The following GATB variants were observed in gnomAD, a reference collection of about 807,000 sequenced individuals.
GATB encodes the protein glutamyl-tRNA(Gln) amidotransferase subunit B, mitochondrial.
Under a neutral mutation model 62.3 loss-of-function variants are expected in GATB, and 39 were observed. The observed-to-expected ratio is 0.63, with a 90% confidence interval of 0.48 to 0.82. The LOEUF (loss-of-function observed/expected upper bound fraction) is 0.82. GATB is among the 40% of genes least tolerant of loss of function. The pLI is 0.00. For synonymous variants in GATB, 276 were observed against 258.9 expected, an observed-to-expected ratio of 1.07 and a Z score of -0.63; for missense variants, 670 against 684.0, an observed-to-expected ratio of 0.98 and a Z score of 0.23.
chr4:151,697,937 A>ATGTGTG lies in GATB; in HGVS notation c.1197+3386_1197+3391dup, dbSNP rs149235830. ...ACAAACAAAAATCGATTTCATATAT[A>ATGTGTG]TGTGTGTGTGTGTGTGTATATATAT... On this transcript the variant is annotated intron_variant, in intron 9 of 12. Transcript: ENST00000263985. Among the ~76,000 whole-genome samples, 15 of 55,768 alleles carry ATGTGTG rather than the reference A, an allele frequency of 2.7e-4. 1 individual carries two copies. The highest frequency in any genetic ancestry group is 1.0e-3 in the African/African-American group (14 of 13,502). The allele number at this position is 55,768 out of a possible 152,430, so 36.6% of individuals were successfully genotyped here.
intron 5 of GATB, among the ~76,000 whole-genome samples, chr4:151,711,143 T>G (rs1347695030): frequency 6.6e-6 from 1 of 152,194 alleles, no homozygotes; most frequent in Non-Finnish European, 1.5e-5. Flanking sequence ...TCCTTCATCT[T>G]CACTGCCACC....
At position 151,716,896 on chromosome 4, in the gene GATB, A is replaced by C; in HGVS notation, c.620T>G (p.Leu207Arg). 1 of 1,614,206 alleles carries C rather than the reference A, an allele frequency of 6.2e-7. No individual in the cohort carries two copies. ...SLHDNLRSQT[L>R]IDLNRAGVGL... is the part of the protein sequence containing the mutation. ...CCTACCTGCCCTGTTCAAATCAATG[A>C]GCGTCTGAGACCTCAGGTTGTCGTG... The change falls in exon 4 of 13, where the codon CTC (leucine) becomes CGC (arginine). Residue 207 changes from leucine (L) to arginine (R), a missense_variant. By Grantham distance (102) the Leu-to-Arg change is moderately radical (BLOSUM62 -2). Coordinates refer to ENST00000263985, the MANE Select transcript of GATB (RefSeq NM_004564.3).
intron 9 of GATB, among the ~76,000 whole-genome samples, chr4:151,694,664 G>T (rs1453329529): frequency 6.6e-6 from 1 of 152,216 alleles, no homozygotes; most frequent in Admixed American, 6.5e-5. Flanking sequence ...ACAGTAGTTA[G>T]AAGGTGAGTA....
At chr4:151,723,744 T>C (rs1362644475) in intron 2 of GATB, 1 of 152,152 alleles carries the variant, frequency 6.6e-6, no homozygotes, top group African/African-American at 2.4e-5. Flanking sequence ...CAGAAACCCT[T>C]AGACACAGGC....
At chr4:151,709,504 C>A (rs571295584) in intron 5 of GATB, among the ~76,000 whole-genome samples, 1 of 152,270 alleles carries the variant, frequency 6.6e-6, no homozygotes, top group Non-Finnish European at 1.5e-5. Flanking sequence ...CACCGTGAGA[C>A]TCTCGGTCTA....
chr4:151,673,537 G>GC (rs1684675849), intron 11 of GATB: 2 of 152,208 alleles, frequency 1.3e-5, no homozygotes, highest in South Asian at 4.1e-4. Flanking sequence ...ATCCACAGGG[G>GC]CCCCCTGGCC....
intron 2 of GATB, among the ~76,000 whole-genome samples, chr4:151,757,372 A>G (rs1018079603): frequency 1.3e-5 from 2 of 152,166 alleles, no homozygotes; most frequent in African/African-American, 4.8e-5. Flanking sequence ...AGGCAGGCAT[A>G]CTGGAGGCAC....
chr4:151,694,855 AT>A (rs1373662321), intron 9 of GATB, among the ~76,000 whole-genome samples: 1 of 152,244 alleles, frequency 6.6e-6, no homozygotes, highest in Non-Finnish European at 1.5e-5. Context: ...TTAAAGGAAA[AT>A]TCTTGAAAAA....
In GATB at chr4:151,687,392, CCT is replaced by C. The variant is rs1327740472; in HGVS notation, c.1331+1236_1331+1237del. Among the ~76,000 whole-genome samples, 6 of 152,294 alleles carry C rather than the reference CCT, an allele frequency of 3.9e-5. No homozygotes were observed. In the East Asian group the frequency reaches 1.2e-3, roughly 29 times the overall value. On this transcript the variant is annotated intron_variant, in intron 10 of 12. Coordinates refer to ENST00000263985, the MANE Select transcript of GATB (RefSeq NM_004564.3). ...CTCCTCCTACATTGAAAAAGTCTGC[CCT>C]CTGTTTCACCTCTGCCCAAGCAAGA...
At chr4:151,716,791 A>T in intron 4 of GATB, 85 bp downstream of exon 4, 1 of 1,285,140 alleles carries the variant, frequency 7.8e-7, no homozygotes, top group East Asian at 2.3e-5. Flanking sequence ...CAATTTGTTC[A>T]AGAAAACTCT....
chr4:151,671,204 CT>C lies in GATB; in HGVS notation c.1643del (p.Lys548ArgfsTer42), dbSNP rs763112705. ...ATGACAGCTTCTTCTCCAGGATCTC[CT>C]TTATCATGACTGGATCTGCTCGGCT... is the stretch of plus-strand genomic sequence containing the variant. ...TQSRADPVMIKEILEKKLSL is the reference protein window; with the variant it reads ...TQSRADPVMIXEILEKKLSL On this transcript the variant is annotated frameshift_variant, in exon 13 of 13. Transcript: ENST00000263985. LOFTEE classifies it high-confidence loss of function. 6.2e-7 allele frequency: 1 copy of C among 1,614,176 alleles called. No individual in the cohort carries two copies. Among genetic ancestry groups the C allele is most frequent in the South Asian group, 1.1e-5 (1 of 91,072 alleles).
intron 9 of GATB, among the ~76,000 whole-genome samples, chr4:151,693,652 G>A (rs947101299): frequency 6.6e-6 from 1 of 152,138 alleles, no homozygotes; most frequent in Non-Finnish European, 1.5e-5. Context: ...AGGGGTCCAG[G>A]GTCCTGTTTT....
chr4:151,708,751 C>A (rs917086177), intron 5 of GATB, among the ~76,000 whole-genome samples: 3 of 152,206 alleles, frequency 2.0e-5, no homozygotes, highest in Non-Finnish European at 4.4e-5. Context: ...AGCACTGTTA[C>A]GAAGTCAGGA....
intron 9 of GATB, among the ~76,000 whole-genome samples, chr4:151,694,393 G>A (rs977128563): frequency 3.9e-5 from 6 of 152,244 alleles, no homozygotes; most frequent in African/African-American, 1.2e-4. Context: ...CTTCCCCTCT[G>A]AAAGCTCCTC....
At chr4:151,672,726 C>T (rs745455279) in intron 12 of GATB, 36 bp downstream of exon 12, 1 of 1,605,572 alleles carries the variant, frequency 6.2e-7, no homozygotes, top group Admixed American at 1.7e-5. Flanking sequence ...TGTCCTGGGG[C>T]TGGCTCTGGC....
At chr4:151,760,386 T>C (rs763677460) in intron 1 of GATB, among the ~76,000 whole-genome samples, 2 of 152,132 alleles carry the variant, frequency 1.3e-5, no homozygotes, top group African/African-American at 2.4e-5. Flanking sequence ...AACCCACCAC[T>C]ACCAAGAGCT....
chr4:151,743,540 T>A (rs1739538283), intron 2 of GATB, among the ~76,000 whole-genome samples: 1 of 152,220 alleles, frequency 6.6e-6, no homozygotes, highest in African/African-American at 2.4e-5. Flanking sequence ...TGTAAAATAA[T>A]AGCCACCTAC....
chr4:151,742,419 G>A (rs1578936573), intron 2 of GATB, among the ~76,000 whole-genome samples: 2 of 152,174 alleles, frequency 1.3e-5, no homozygotes, highest in Non-Finnish European at 2.9e-5. Context: ...CAGGGCAAGG[G>A]GGCCAGAGAA....
At chr4:151,695,694 G>T (rs376781523) in intron 9 of GATB, among the ~76,000 whole-genome samples, 1 of 152,084 alleles carries the variant, frequency 6.6e-6, no homozygotes, top group Non-Finnish European at 1.5e-5. Context: ...GGAGGCACCA[G>T]GCAAAATCAA....
Sources: gnomAD v4.1 joint callset for allele counts (sites outside exome capture counted in the v4.1 genomes callset) on GRCh38, gnomAD v4.1.1 for gene constraint, MANE v1.5 for transcripts, NCBI Gene and HGNC (gene_info 2026-07-23, HGNC 2026-07-21) for gene names.